The following SOCS6 variants were observed in gnomAD, a reference collection of about 807,000 sequenced individuals.
SOCS6 encodes the protein suppressor of cytokine signaling 6, also known as STAT induced STAT inhibitor-4.
In SOCS6, 5 loss-of-function variants were observed where a neutral mutation model predicts 27.7. That is an observed-to-expected ratio of 0.18 (90% confidence interval 0.09 to 0.38). The LOEUF (loss-of-function observed/expected upper bound fraction) is 0.38, where lower values mean the gene tolerates loss of function less well. Among genes scored for constraint, SOCS6 ranks in the 10% least tolerant of loss-of-function variants. SOCS6 has a pLI of 1.00. For missense variants in SOCS6, 595 were observed against 688.1 expected, an observed-to-expected ratio of 0.86 and a Z score of 1.51; for synonymous variants, 271 against 260.0, an observed-to-expected ratio of 1.04 and a Z score of -0.41.
intron 1 of SOCS6, among the ~76,000 whole-genome samples, chr18:70,318,559 T>C (rs920463104): frequency 6.6e-6 from 1 of 151,774 alleles, no homozygotes; most frequent in Non-Finnish European, 1.5e-5. Flanking sequence ...TATGATATTT[T>C]GAAACTTTCT....
At chr18:70,292,233 G>A (rs925334919) in intron 1 of SOCS6, among the ~76,000 whole-genome samples, 21 of 152,228 alleles carry the variant, frequency 1.4e-4, no homozygotes, top group Non-Finnish European at 2.8e-4. Context: ...TACCCGCTCT[G>A]TCACGTTGAA....
chr18:70,312,214 G>A (rs181398779), intron 1 of SOCS6, among the ~76,000 whole-genome samples: 4 of 152,294 alleles, frequency 2.6e-5, no homozygotes, highest in Admixed American at 1.3e-4. Context: ...ACAGTGCACA[G>A]TACCAAACTT....
chr18:70,297,391 G>C (rs1343816437), intron 1 of SOCS6, among the ~76,000 whole-genome samples: 1 of 151,824 alleles, frequency 6.6e-6, no homozygotes, highest in Non-Finnish European at 1.5e-5. Context: ...TGTTTTGCTA[G>C]CATCAGTGAA....
At chr18:70,307,114 T>G (rs1188721810) in intron 1 of SOCS6, among the ~76,000 whole-genome samples, 1 of 150,908 alleles carries the variant, frequency 6.6e-6, no homozygotes, top group African/African-American at 2.5e-5. Flanking sequence ...AATAAAAAAA[T>G]TAGCCGGGTG....
chr18:70,295,135 A>T (rs1426967433), intron 1 of SOCS6, among the ~76,000 whole-genome samples: 1 of 152,236 alleles, frequency 6.6e-6, no homozygotes, highest in African/African-American at 2.4e-5. Context: ...TATATACAGC[A>T]GTTTGTGACA....
At chr18:70,314,867 A>G (rs112807968) in intron 1 of SOCS6, among the ~76,000 whole-genome samples, 878 of 12,776 alleles carry the variant, frequency 0.069, 5 homozygotes, top group East Asian at 0.41. Flanking sequence ...TTTTGTGTGT[A>G]TATATATATA....
chr18:70,296,906 C>CTTTT lies in SOCS6; in HGVS notation c.-127+7825_-127+7828dup, dbSNP rs375704179. On this transcript the variant is annotated intron_variant, in intron 1 of 1. Coordinates refer to ENST00000397942, the MANE Select transcript of SOCS6 (RefSeq NM_004232.4). The stretch of plus-strand genomic sequence containing the variant: ...TCCCTTTCATTTTCTCATTTTCTTT[C>CTTTT]TTTTTTTTTTTTCTGTCTTAAGCTC... Among the ~76,000 whole-genome samples the CTTTT allele has an allele frequency of 7.0e-5, 9 of 129,178 alleles. 1 individual carries two copies. Among genetic ancestry groups the CTTTT allele is most frequent in the East Asian group, 6.7e-4 (3 of 4,468 alleles). The allele number at this position is 129,178 out of a possible 152,430, so 84.7% of individuals were successfully genotyped here.
At position 70,311,831 on chromosome 18, in the gene SOCS6, AT is replaced by A. The variant is rs567533108; in HGVS notation, c.-126-12703del. On this transcript the variant is annotated intron_variant, in intron 1 of 1. Coordinates refer to ENST00000397942, the MANE Select transcript of SOCS6 (RefSeq NM_004232.4). Reference sequence around the variant, plus strand: ...TATCATTTATTAAACTAGTCTGATGATTTTTTTTTATGGTTATTGTTGCTTC... The same window carrying A: ...TATCATTTATTAAACTAGTCTGATGATTTTTTTTATGGTTATTGTTGCTTC... 3.6e-4 allele frequency among the ~76,000 whole-genome samples: 54 copies of A among 151,352 alleles called. 1 individual carries two copies. Among genetic ancestry groups the A allele is most frequent in the South Asian group, 2.3e-3 (11 of 4,776 alleles).
chr18:70,289,677 C>G (rs558207395), intron 1 of SOCS6, among the ~76,000 whole-genome samples: 4 of 150,594 alleles, frequency 2.7e-5, no homozygotes, highest in Admixed American at 2.0e-4. Context: ...CTCGGGGACG[C>G]CCCCGCCCCA....
At chr18:70,316,154 T>C (rs1206342984) in intron 1 of SOCS6, among the ~76,000 whole-genome samples, 1 of 152,264 alleles carries the variant, frequency 6.6e-6, no homozygotes, top group East Asian at 1.9e-4. Flanking sequence ...CCGGCTGATA[T>C]GTAGCATTTT....
At chr18:70,314,290 T>C (rs2062402486) in intron 1 of SOCS6, 1 of 152,142 alleles carries the variant, frequency 6.6e-6, no homozygotes, top group Non-Finnish European at 1.5e-5. Flanking sequence ...GAATTTCTAG[T>C]GACTTGTACG....
rs1245707437 is a variant in SOCS6 at position 70,325,375 on chromosome 18, G to T, written c.707G>T (p.Gly236Val). 1 of 1,614,186 alleles carries T rather than the reference G, an allele frequency of 6.2e-7. No homozygotes were observed. The highest frequency in any genetic ancestry group is 1.7e-5 in the Admixed American group (1 of 60,030). The change falls in exon 2 of 2, where the codon GGA becomes GTA. Residue 236 changes from glycine (G) to valine (V), a missense_variant. By Grantham distance (109) the Gly-to-Val change is moderately radical. Around this residue, in one of 2 missense-constraint regions of SOCS6, gnomAD observed 467 missense variants for 481.1 expected, o/e 0.97. Transcript: ENST00000397942. This position sits in a 1 kb window ranked among gnomAD's most constrained non-coding sequence, Gnocchi z 6.3. ...GATGAGGGGATGTATCCTTTGGAAG[G>T]ATCACGGAGCTATTGTCTGGACAGC... The part of the protein sequence containing the change: ...PLDEGMYPLE[G>V]SRSYCLDSSS...
chr18:70,302,768 G>C (rs2062353930), intron 1 of SOCS6, among the ~76,000 whole-genome samples: 2 of 122,956 alleles, frequency 1.6e-5, no homozygotes, highest in South Asian at 5.6e-4. Flanking sequence ...ATATACACCA[G>C]TATAAAAAAA....
In SOCS6 at chr18:70,328,165, T is replaced by A. The variant is rs2146304919; in HGVS notation, c.*1889T>A. On this transcript the variant is annotated 3_prime_UTR_variant, in exon 2 of 2. Transcript: ENST00000397942. ...GAACTATTGCAGAGTTGTAAGCTTGTTATCAAATTAATGCAAGACATTTAA... is the reference window on the plus strand; with the variant it reads ...GAACTATTGCAGAGTTGTAAGCTTGATATCAAATTAATGCAAGACATTTAA... 1 of 166,608 alleles carries A rather than the reference T, an allele frequency of 6.0e-6. No homozygotes were observed. Among genetic ancestry groups the A allele is most frequent in the East Asian group, 1.9e-4 (1 of 5,186 alleles). The allele number at this position is 166,608 out of a possible 1,614,324, so 10.3% of individuals were successfully genotyped here.
chr18:70,289,528 G>T (rs1185727411), intron 1 of SOCS6, among the ~76,000 whole-genome samples: 12 of 147,182 alleles, frequency 8.2e-5, no homozygotes, highest in Non-Finnish European at 1.7e-4. Flanking sequence ...CGCGAGGCCT[G>T]GGCAGCGGCG....
chr18:70,324,878 C>A lies in SOCS6; in HGVS notation c.210C>A (p.Ser70Arg), dbSNP rs769407600. 6.2e-7 allele frequency: 1 copy of A among 1,614,130 alleles called. No individual in the cohort carries two copies. The highest frequency in any genetic ancestry group is 1.7e-5 in the Admixed American group (1 of 60,014). Residue 70 changes from serine (S) to arginine (R), a missense_variant, in exon 2 of 2, where the codon AGC (serine) becomes AGA (arginine). Transcript: ENST00000397942. ...AAGGCGGAAAAAACAGATCAAAAAG[C>A]GAGAGCCTGATGGGTACGCTAAAAA... is the stretch of plus-strand genomic sequence containing the variant. ...DEKGGKNRSK[S>R]ESLMGTLKRR...
intron 1 of SOCS6, among the ~76,000 whole-genome samples, chr18:70,319,919 C>T (rs1290166552): frequency 6.6e-6 from 1 of 152,144 alleles, no homozygotes; most frequent in African/African-American, 2.4e-5. Context: ...CAGATATTTT[C>T]CCATAAATAA....
chr18:70,324,884 C>T lies in SOCS6; in HGVS notation c.216C>T (p.Ser72=), dbSNP rs761371103. 1.6e-5 allele frequency: 26 copies of T among 1,614,080 alleles called. No individual in the cohort carries two copies. The highest frequency in any genetic ancestry group is 1.6e-4 in the Middle Eastern group (1 of 6,062). The change falls in exon 2 of 2, where the codon AGC becomes AGT. Residue 72 remains serine, a synonymous_variant. Transcript: ENST00000397942. ...KGGKNRSKSE[S]LMGTLKRRLS... ...GAAAAAACAGATCAAAAAGCGAGAG[C>T]CTGATGGGTACGCTAAAAAGGCGGC...
Position 70,325,140 on chromosome 18 carries a change from T to A in SOCS6, c.472T>A (p.Leu158Met). Residue 158 changes from leucine to methionine, a missense_variant, in exon 2 of 2, where the codon TTG becomes ATG. Leu to Met is a conservative substitution (Grantham distance 15, BLOSUM62 2). This residue lies in a region of SOCS6 where 467 missense variants were observed against 481.1 expected (regional missense o/e 0.97). Coordinates refer to ENST00000397942, the MANE Select transcript of SOCS6 (RefSeq NM_004232.4). The surrounding 1 kb of genome is among the most constrained non-coding windows in gnomAD (Gnocchi z 6.3). ...CIKMEVRVKA[L>M]VHSSSPSPAL... is the part of the protein sequence containing the mutation. Reference sequence around the variant, plus strand: ...CAAGATGGAGGTGAGAGTCAAGGCCTTGGTTCACTCTTCCAGCCCGAGTCC... The same window carrying A: ...CAAGATGGAGGTGAGAGTCAAGGCCATGGTTCACTCTTCCAGCCCGAGTCC... The A allele has an allele frequency of 1.2e-6, 2 of 1,614,166 alleles. No homozygotes were observed. Among genetic ancestry groups the A allele is most frequent in the Non-Finnish European group, 1.7e-6 (2 of 1,180,032 alleles).
Sources: gnomAD v4.1 joint callset for allele counts (sites outside exome capture counted in the v4.1 genomes callset) on GRCh38, gnomAD v4.1.1 for gene constraint, gnomAD v4.1.1 regional missense constraint, Gnocchi (gnomAD v3.1) non-coding constraint, MANE v1.5 for transcripts, NCBI Gene and HGNC (gene_info 2026-07-23, HGNC 2026-07-21) for gene names.